IL22RA1: variants seen among roughly 807,000 people sequenced by gnomAD.
IL22RA1 encodes interleukin 22 receptor subunit alpha 1, also known as interleukin-22 receptor subunit alpha-1.
In IL22RA1, 25 loss-of-function variants were observed where a neutral mutation model predicts 32.8. The observed-to-expected ratio is 0.76, with a 90% CI of 0.55 to 1.06. IL22RA1 has a LOEUF of 1.06. Among genes scored for constraint, IL22RA1 ranks in the 50% least tolerant of loss-of-function variants. The pLI is 0.00. For missense variants in IL22RA1, 709 were observed against 727.4 expected (o/e 0.97, Z 0.29); for synonymous variants, 305 against 305.0 (o/e 1.00, Z 0.00).
Position 24,121,678 on chromosome 1 carries a change from G to A in IL22RA1, c.852C>T (p.Ile284=), listed in dbSNP as rs749732079. ...PLRFIQEHVL[I]PVFDLSGPSS... ...TGGGGCCGCTGAGGTCAAAGACAGG[G>A]ATCAGGACGTGCTCCTGGATGAAGC... Residue 284 remains isoleucine, a synonymous_variant, in exon 7 of 7, where the codon ATC becomes ATT. Coordinates refer to ENST00000270800, the MANE Select transcript of IL22RA1 (RefSeq NM_021258.4). 2 of 1,599,932 alleles carry A rather than the reference G, an allele frequency of 1.3e-6. No homozygotes were observed. The highest frequency in any genetic ancestry group is 1.3e-5 in the African/African-American group (1 of 74,606).
intron 4 of IL22RA1, among the ~76,000 whole-genome samples, chr1:24,133,086 A>C (rs1325183324): frequency 1.3e-5 from 2 of 151,582 alleles, no homozygotes; most frequent in Non-Finnish European, 2.9e-5. Flanking sequence ...TGCATGTATT[A>C]CCTGGCATGC....
rs1313921957 is a variant in IL22RA1, at chr1:24,120,768, G to A, written c.*37C>T. On this transcript the variant is annotated 3_prime_UTR_variant, in exon 7 of 7. Coordinates refer to ENST00000270800, the MANE Select transcript of IL22RA1 (RefSeq NM_021258.4). Reference sequence around the variant, plus strand: ...ACAGCCAAGGATGTGACACTGGGTAGGGACAGGGAGGAAGCACCAAGCCTT... The same window carrying A: ...ACAGCCAAGGATGTGACACTGGGTAAGGACAGGGAGGAAGCACCAAGCCTT... 6.5e-7 allele frequency: 1 copy of A among 1,532,414 alleles called. No homozygotes were observed. The highest frequency in any genetic ancestry group is 1.3e-5 in the South Asian group (1 of 79,346). The allele number at this position is 1,532,414 out of a possible 1,614,324, so 94.9% of individuals were successfully genotyped here.
intron 1 of IL22RA1, among the ~76,000 whole-genome samples, chr1:24,140,156 C>T (rs574058558): frequency 3.3e-5 from 5 of 152,368 alleles, no homozygotes; most frequent in African/African-American, 9.6e-5. Context: ...TAAATCCTCA[C>T]GACAACGTGC....
chr1:24,121,455 C>G lies in IL22RA1; in HGVS notation c.1075G>C (p.Val359Leu), dbSNP rs890928052. The change falls in exon 7 of 7, where the codon GTC (valine) becomes CTC (leucine). Residue 359 changes from valine to leucine, a missense_variant. By Grantham distance (32) the Val-to-Leu change is conservative (BLOSUM62 1). Coordinates refer to ENST00000270800, the MANE Select transcript of IL22RA1 (RefSeq NM_021258.4). The part of the protein sequence containing the change: ...LSYAPNAAPE[V>L]GPPSYAPQVT... ...TGAGGTGCATAGGATGGGGGCCCGA[C>G]CTCAGGGGCAGCGTTTGGGGCATAG... 5.8e-6 allele frequency: 9 copies of G among 1,544,614 alleles called. No individual in the cohort carries two copies. Among genetic ancestry groups the G allele is most frequent in the Non-Finnish European group, 7.9e-6 (9 of 1,143,534 alleles).
chr1:24,140,412 T>A (rs1405886024), intron 1 of IL22RA1, among the ~76,000 whole-genome samples: 1 of 152,080 alleles, frequency 6.6e-6, no homozygotes, highest in Admixed American at 6.5e-5. Flanking sequence ...GGGGGCTATC[T>A]TGTTCACCCT....
intron 4 of IL22RA1, among the ~76,000 whole-genome samples, chr1:24,131,787 A>T (rs1057354032): frequency 3.9e-5 from 6 of 152,100 alleles, no homozygotes; most frequent in African/African-American, 1.4e-4. Context: ...TTTATAGCGC[A>T]CTCCACCAAC....
chr1:24,130,494 G>A (rs919213346), intron 4 of IL22RA1, among the ~76,000 whole-genome samples: 1 of 152,202 alleles, frequency 6.6e-6, no homozygotes, highest in African/African-American at 2.4e-5. Flanking sequence ...TTCAGAGTTT[G>A]GAGTTCAGCC....
In IL22RA1 at chr1:24,128,258, C is replaced by A; in HGVS notation, c.553G>T (p.Glu185Ter). 1 of 1,613,222 alleles carries A rather than the reference C, an allele frequency of 6.2e-7. No homozygotes were observed. Among genetic ancestry groups the A allele is most frequent in the Non-Finnish European group, 8.5e-7 (1 of 1,179,626 alleles). The part of the protein sequence containing the change: ...YQMHLGGKQR[E>*]YEFFGLTPDT... ...GGGGTCAGGCCGAAGAACTCATATT[C>A]TCTCTGCTTCCCTCCAAGGTGCTGA... The change falls in exon 5 of 7, where the codon GAA (glutamate) becomes TAA (stop). Residue 185 changes from glutamate to a stop codon, truncating the protein, a stop_gained. Transcript: ENST00000270800. LOFTEE classifies it high-confidence loss of function.
intron 3 of IL22RA1, among the ~76,000 whole-genome samples, chr1:24,136,477 T>G (rs1197354316): frequency 6.6e-6 from 1 of 151,086 alleles, no homozygotes; most frequent in South Asian, 2.1e-4. Flanking sequence ...AATCAGGTCA[T>G]CAGGGCTGGA....
At chr1:24,136,690 C>T (rs991860511) in intron 3 of IL22RA1, among the ~76,000 whole-genome samples, 1 of 152,136 alleles carries the variant, frequency 6.6e-6, no homozygotes, top group Non-Finnish European at 1.5e-5. Flanking sequence ...GCCTCGTGGG[C>T]CGTGGCAAGG....
chr1:24,136,274 C>T (rs1437091152), intron 3 of IL22RA1, among the ~76,000 whole-genome samples: 1 of 152,140 alleles, frequency 6.6e-6, no homozygotes, highest in Non-Finnish European at 1.5e-5. Context: ...CTTCTATGTG[C>T]CAGGCACTAT....
intron 3 of IL22RA1, among the ~76,000 whole-genome samples, chr1:24,136,869 C>A (rs78086250): frequency 0.073 from 10,994 of 151,154 alleles, 504 homozygotes; most frequent in Non-Finnish European, 0.1. Context: ...GCCTTGACTG[C>A]AGTCGGGGGT....
chr1:24,135,348 C>T (rs1040875930), intron 3 of IL22RA1, among the ~76,000 whole-genome samples: 2 of 152,036 alleles, frequency 1.3e-5, no homozygotes, highest in Non-Finnish European at 2.9e-5. Context: ...TTTTGGGTGA[C>T]TTTTATTTTT....
chr1:24,138,983 G>A (rs1644262247), intron 1 of IL22RA1, among the ~76,000 whole-genome samples: 1 of 152,224 alleles, frequency 6.6e-6, no homozygotes, highest in Non-Finnish European at 1.5e-5. Flanking sequence ...TTCCATAAAT[G>A]TCACCACCTT....
chr1:24,125,737 C>T (rs1029265569), intron 5 of IL22RA1, among the ~76,000 whole-genome samples: 1 of 152,036 alleles, frequency 6.6e-6, no homozygotes, highest in African/African-American at 2.4e-5. Flanking sequence ...GATGATGCTA[C>T]CCAGCTTACA....
In IL22RA1 at chr1:24,121,365, A is replaced by T. The variant is rs754370024; in HGVS notation, c.1165T>A (p.Ser389Thr). The T allele has an allele frequency of 3.8e-6, 6 of 1,583,910 alleles. No homozygotes were observed. In the South Asian group the frequency reaches 7.0e-5, roughly 18 times the overall value. Residue 389 changes from serine to threonine, a missense_variant, in exon 7 of 7, where the codon TCC (serine) becomes ACC (threonine). Ser to Thr is a moderately conservative substitution (Grantham distance 58). Coordinates refer to ENST00000270800, the MANE Select transcript of IL22RA1 (RefSeq NM_021258.4). The stretch of plus-strand genomic sequence containing the variant: ...TCCGGAGTGGCTTGAGGGGCATAGG[A>T]GGAAGGCTGGACCTTAGAGATGGCC... The part of the protein sequence containing the change: ...PQAISKVQPS[S>T]YAPQATPDSW...
At chr1:24,132,423 C>T (rs181447364) in intron 4 of IL22RA1, among the ~76,000 whole-genome samples, 8 of 151,518 alleles carry the variant, frequency 5.3e-5, no homozygotes, top group Non-Finnish European at 8.8e-5. Context: ...GCTCCACCTC[C>T]CGGGTTCACG....
intron 1 of IL22RA1, among the ~76,000 whole-genome samples, chr1:24,141,003 G>A (rs920676136): frequency 3.0e-4 from 46 of 152,302 alleles, no homozygotes; most frequent in African/African-American, 1.0e-3. Context: ...GGCGAGGACC[G>A]ATGGGGACGG....
intron 5 of IL22RA1, among the ~76,000 whole-genome samples, chr1:24,123,837 C>T (rs1473959729): frequency 6.6e-6 from 1 of 152,158 alleles, no homozygotes; most frequent in East Asian, 1.9e-4. Flanking sequence ...GGCCCTCACG[C>T]ACATGTGTAT....
Sources: allele counts gnomAD v4.1 joint callset (sites outside exome capture counted in the v4.1 genomes callset), GRCh38; gene constraint gnomAD v4.1.1; transcripts MANE v1.5; gene names NCBI Gene and HGNC (gene_info 2026-07-23, HGNC 2026-07-21).